Variants in OSBPL8 observed in about 807,000 individuals in gnomAD.
The protein encoded by OSBPL8 is oxysterol binding protein like 8, also known as oxysterol-binding protein-related protein 8.
A neutral mutation model predicts 125.5 loss-of-function variants in OSBPL8; 59 were observed. The ratio of observed to expected loss-of-function variants is 0.47; its 90% CI spans 0.38 to 0.58. The LOEUF (loss-of-function observed/expected upper bound fraction) is 0.58. Among genes scored for constraint, OSBPL8 ranks in the 20% least tolerant of loss-of-function variants. The pLI, the probability that OSBPL8 is intolerant of heterozygous loss-of-function variation, is 0.00. For synonymous variants in OSBPL8, 330 were observed against 338.9 expected (o/e 0.97, Z 0.29); for missense variants, 758 against 1,047.8 (o/e 0.72, Z 3.82).
intron 1 of OSBPL8, among the ~76,000 whole-genome samples, chr12:76,493,595 T>C (rs1006194579): frequency 1.3e-5 from 2 of 152,208 alleles, no homozygotes; most frequent in Non-Finnish European, 1.5e-5. Flanking sequence ...AATTCACTGA[T>C]AGGCTAAAGG....
intron 1 of OSBPL8, among the ~76,000 whole-genome samples, chr12:76,528,764 C>T (rs1382498559): frequency 6.6e-6 from 1 of 151,968 alleles, no homozygotes; most frequent in African/African-American, 2.4e-5. Flanking sequence ...TGAGGTGGGA[C>T]AATCACTTGA....
rs59101769 is a variant in OSBPL8 at position 76,540,487 on chromosome 12, C to CGTGTGT, written c.-68+18904_-68+18909dup. ...TCTGTTTTTAAAAAAATTATATAGT[C>CGTGTGT]GTGTGTGTGTGTGTGTGTGTGTGTG... On this transcript the variant is annotated intron_variant, in intron 1 of 23. Transcript: ENST00000261183. Among the ~76,000 whole-genome samples the CGTGTGT allele has an allele frequency of 3.7e-3, 518 of 141,732 alleles. 2 individuals carry two copies. The highest frequency in any genetic ancestry group is 0.012 in the African/African-American group (457 of 38,424). The allele number at this position is 141,732 out of a possible 152,430, so 93.0% of individuals were successfully genotyped here.
intron 15 of OSBPL8, among the ~76,000 whole-genome samples, chr12:76,382,719 C>T (rs1953114791): frequency 6.6e-6 from 1 of 152,128 alleles, no homozygotes; most frequent in African/African-American, 2.4e-5. Context: ...CCCATCTCTA[C>T]TAAAAATACA....
intron 1 of OSBPL8, among the ~76,000 whole-genome samples, chr12:76,533,768 GA>G (rs888194155): frequency 2.3e-4 from 35 of 151,748 alleles, no homozygotes; most frequent in African/African-American, 8.5e-4. Context: ...ATTTCAGTAG[GA>G]AAAAAAATAC....
chr12:76,515,190 G>A (rs1881412157), intron 1 of OSBPL8, among the ~76,000 whole-genome samples: 1 of 152,186 alleles, frequency 6.6e-6, no homozygotes. Context: ...TGTTGCAGAA[G>A]TGGTACAGTC....
chr12:76,445,545 T>C (rs1450050612), intron 4 of OSBPL8, among the ~76,000 whole-genome samples: 2 of 152,158 alleles, frequency 1.3e-5, no homozygotes, highest in Non-Finnish European at 2.9e-5. Context: ...AAGACAATTT[T>C]CAAATGGGCA....
At chr12:76,551,092 G>A (rs1017888197) in intron 1 of OSBPL8, among the ~76,000 whole-genome samples, 4 of 151,884 alleles carry the variant, frequency 2.6e-5, no homozygotes, top group African/African-American at 9.7e-5. Flanking sequence ...TATCAAGGAA[G>A]AGAGGAAAAC....
intron 4 of OSBPL8, among the ~76,000 whole-genome samples, chr12:76,450,008 C>G (rs947962080): frequency 3.3e-5 from 5 of 152,134 alleles, no homozygotes; most frequent in African/African-American, 1.2e-4. Flanking sequence ...TATTCATATA[C>G]TTCAATCGGA....
Position 76,386,677 on chromosome 12 carries a change from TA to T in OSBPL8, c.1353-18del, listed in dbSNP as rs764239899. 3.8e-6 allele frequency: 6 copies of T among 1,569,800 alleles called. No individual in the cohort carries two copies. Among genetic ancestry groups the T allele is most frequent in the South Asian group, 1.2e-5 (1 of 84,286 alleles). ...AGAGCTGCCCTAAAACACAAAACGG[TA>T]AACAAAAATTTTAAAAAATGTATCA... On this transcript the variant is annotated intron_variant, in intron 12 of 23. Transcript: ENST00000261183.
At chr12:76,361,750 A>G (rs1592517921) in intron 21 of OSBPL8, among the ~76,000 whole-genome samples, 1 of 152,306 alleles carries the variant, frequency 6.6e-6, no homozygotes, top group Non-Finnish European at 1.5e-5. Context: ...TGATAAAACC[A>G]GCAGATCTCA....
intron 6 of OSBPL8, 106 bp downstream of exon 6, chr12:76,402,579 GTTTT>G: frequency 1.3e-6 from 1 of 782,258 alleles, no homozygotes; most frequent in Non-Finnish European, 2.1e-6. Flanking sequence ...ACCACTGGAT[GTTTT>G]TTCTTTCTTT....
intron 1 of OSBPL8, among the ~76,000 whole-genome samples, chr12:76,503,618 A>G (rs946595222): frequency 2.6e-5 from 4 of 152,110 alleles, no homozygotes; most frequent in Non-Finnish European, 5.9e-5. Flanking sequence ...GGCTCACTGC[A>G]AGCTCCGCCT....
intron 1 of OSBPL8, among the ~76,000 whole-genome samples, chr12:76,543,225 T>C (rs1024753266): frequency 1.4e-4 from 21 of 152,264 alleles, no homozygotes; most frequent in Admixed American, 7.2e-4. Context: ...TCTATTGAAT[T>C]AATGGTCTTG....
chr12:76,493,982 T>C (rs1879006788), intron 1 of OSBPL8, among the ~76,000 whole-genome samples: 1 of 152,194 alleles, frequency 6.6e-6, no homozygotes. Context: ...ACAGTCTCTA[T>C]TGCGCTGTTC....
chr12:76,512,629 G>C (rs1297401032), intron 1 of OSBPL8, among the ~76,000 whole-genome samples: 2 of 152,166 alleles, frequency 1.3e-5, no homozygotes, highest in East Asian at 3.8e-4. Context: ...GATGCCTCCA[G>C]CTTTGTTCTT....
intron 17 of OSBPL8, among the ~76,000 whole-genome samples, chr12:76,374,290 A>G (rs1463071902): frequency 6.6e-6 from 1 of 152,138 alleles, no homozygotes; most frequent in Admixed American, 6.6e-5. Context: ...AAAATTTCCA[A>G]AGATGGCCTT....
intron 3 of OSBPL8, among the ~76,000 whole-genome samples, chr12:76,458,302 T>G (rs1039412646): frequency 2.6e-5 from 4 of 151,796 alleles, no homozygotes; most frequent in Non-Finnish European, 5.9e-5. Context: ...ATTTTGAGAT[T>G]TGTGTTCTTT....
chr12:76,374,952 A>G (rs1952754644), intron 17 of OSBPL8, among the ~76,000 whole-genome samples: 1 of 152,188 alleles, frequency 6.6e-6, no homozygotes, highest in African/African-American at 2.4e-5. Context: ...GGTAAAAACA[A>G]TCCTTTAATT....
chr12:76,548,345 G>A (rs566856556), intron 1 of OSBPL8, among the ~76,000 whole-genome samples: 13 of 152,216 alleles, frequency 8.5e-5, no homozygotes, highest in African/African-American at 2.9e-4. Flanking sequence ...GAACCAATAC[G>A]TCTGAGAAGA....
Sources: allele counts gnomAD v4.1 joint callset (sites outside exome capture counted in the v4.1 genomes callset), GRCh38; gene constraint gnomAD v4.1.1; transcripts MANE v1.5; gene names NCBI Gene and HGNC (gene_info 2026-07-23, HGNC 2026-07-21).